Variants in ZBTB25 observed in about 807,000 individuals in gnomAD.
ZBTB25 encodes the protein zinc finger and BTB domain containing 25.
In ZBTB25, 20 loss-of-function variants were observed where a neutral mutation model predicts 34.2. That is an observed-to-expected ratio of 0.58 (90% CI 0.41 to 0.85). ZBTB25 has a LOEUF of 0.85. ZBTB25 is among the 40% of genes least tolerant of loss of function. The pLI is 0.00. For missense variants in ZBTB25, 437 were observed against 521.8 expected (o/e 0.84, Z 1.58); for synonymous variants, 175 against 186.4 (o/e 0.94, Z 0.50).
intron 1 of ZBTB25, chr14:64,503,443 A>T: frequency 1.0e-6 from 1 of 985,410 alleles, no homozygotes; most frequent in Non-Finnish European, 1.2e-6. Flanking sequence ...TACGAGCAGC[A>T]AAGGGTGGTT....
Position 64,466,174 on chromosome 14 carries a change from C to G in ZBTB25, c.174-16536G>C, listed in dbSNP as rs530515934. 3.5e-4 allele frequency among the ~76,000 whole-genome samples: 54 copies of G among 152,296 alleles called. 1 individual carries two copies. Among genetic ancestry groups the G allele is most frequent in the Middle Eastern group, 3.4e-3 (1 of 294 alleles). On this transcript the variant is annotated intron_variant, in intron 2 of 2. Coordinates refer to the ZBTB25 transcript ENST00000555220. ...TGTGACATGAGACTTGCAATTCCAT[C>G]AGGAAATGAGCACAGGGACTTTAAG...
rs1453699226 is a variant in ZBTB25 at position 64,459,670 on chromosome 14, G to A, written c.174-10032C>T. On this transcript the variant is annotated intron_variant, in intron 2 of 2. Transcript: ENST00000555220. ...TGTAAATGTTAACAGCTTTGGCAAT[G>A]TGAGTGGGTAATGGTGCAGTATGGA... 1.7e-5 allele frequency: 19 copies of A among 1,129,534 alleles called. No individual in the cohort carries two copies. In the Admixed American group the frequency reaches 4.8e-4, roughly 29 times the overall value. The allele number at this position is 1,129,534 out of a possible 1,614,324, so 70.0% of individuals were successfully genotyped here.
At position 64,458,337 on chromosome 14, in the gene ZBTB25, T is replaced by G. The variant is rs368247374; in HGVS notation, c.174-8699A>C. 45 of 1,390,350 alleles carry G rather than the reference T, an allele frequency of 3.2e-5. No individual in the cohort carries two copies. The African/African-American group carries it at 5.7e-4, about 18-fold the overall frequency. 86.1% of individuals were successfully genotyped at this position (1,390,350 alleles called of 1,614,324 possible). A position where few individuals can be genotyped will look rare whatever the true frequency, so the allele number is the denominator to read the frequency against. ...GTTGTTACTGGGTAATAATTTGGCT[T>G]TTTTCCTCATGTAGCTTATTTATGA... On this transcript the variant is annotated intron_variant, in intron 2 of 2. Coordinates refer to the ZBTB25 transcript ENST00000555220.
Position 64,479,983 on chromosome 14 carries a change from G to A in ZBTB25, c.*6940C>T, listed in dbSNP as rs1278805576. On this transcript the variant is annotated 3_prime_UTR_variant, in exon 3 of 3. Coordinates refer to ENST00000608382, the MANE Select transcript of ZBTB25 (RefSeq NM_006977.5). Reference sequence around the variant, plus strand: ...ACCTCAGTTGAGAACTACTATTGTGGATCATGTTACTGGGGGCAAAAGGCG... The same window carrying A: ...ACCTCAGTTGAGAACTACTATTGTGAATCATGTTACTGGGGGCAAAAGGCG... 1 of 153,472 alleles carries A rather than the reference G, an allele frequency of 6.5e-6. No homozygotes were observed. The highest frequency in any genetic ancestry group is 2.4e-5 in the African/African-American group (1 of 41,424). 9.5% of individuals were successfully genotyped at this position (153,472 alleles called of 1,614,324 possible). A position where few individuals can be genotyped will look rare whatever the true frequency, so the allele number is the denominator to read the frequency against.
At chr14:64,498,948 A>G (rs1423877418) in intron 1 of ZBTB25, among the ~76,000 whole-genome samples, 1 of 152,102 alleles carries the variant, frequency 6.6e-6, no homozygotes, top group Non-Finnish European at 1.5e-5. Flanking sequence ...TTCTTTTTTT[A>G]AAAAGCTTCC....
chr14:64,465,327 T>C (rs1366554050), intron 2 of ZBTB25, among the ~76,000 whole-genome samples: 1 of 151,962 alleles, frequency 6.6e-6, no homozygotes, highest in Non-Finnish European at 1.5e-5. Context: ...ACGATGGGCT[T>C]CCCCGCGGCA....
Position 64,502,993 on chromosome 14 carries a change from C to A in ZBTB25, c.-8+668G>T, listed in dbSNP as rs891219826. The A allele has an allele frequency of 1.0e-5, 10 of 985,256 alleles. No individual in the cohort carries two copies. In the African/African-American group the frequency reaches 1.6e-4, roughly 16 times the overall value. 61.0% of individuals were successfully genotyped at this position (985,256 alleles called of 1,614,324 possible). ...ATTTAATCCCTTGGGGTGATGCGGG[C>A]GCTAACTGTTGAAACATGCTAGGTG... On this transcript the variant is annotated intron_variant, in intron 1 of 2. Transcript: ENST00000608382.
chr14:64,475,563 C>T (rs975299868), downstream of ZBTB25, among the ~76,000 whole-genome samples: 1 of 151,722 alleles, frequency 6.6e-6, no homozygotes, highest in Admixed American at 6.6e-5. Flanking sequence ...TTAATGCTGA[C>T]GTCTGGAGTC....
intron 2 of ZBTB25, among the ~76,000 whole-genome samples, chr14:64,455,592 C>T (rs1360126654): frequency 1.3e-5 from 2 of 152,170 alleles, no homozygotes; most frequent in African/African-American, 4.8e-5. Context: ...TATCCTGTAT[C>T]TACAGATTGT....
At position 64,478,307 on chromosome 14, in the gene ZBTB25, G is replaced by A. The variant is rs902846954; in HGVS notation, c.*8616C>T. The A allele has an allele frequency of 2.6e-5, 4 of 152,176 alleles. No homozygotes were observed. The highest frequency in any genetic ancestry group is 5.9e-5 in the Non-Finnish European group (4 of 68,042). The allele number at this position is 152,176 out of a possible 1,614,324, so 9.4% of individuals were successfully genotyped here. ...CACTTAGTATTGGAAGGTGAGAAGA[G>A]CTGAAGGTAAGAAAACTCTTAACTT... On this transcript the variant is annotated 3_prime_UTR_variant, in exon 3 of 3. Coordinates refer to ENST00000608382, the MANE Select transcript of ZBTB25 (RefSeq NM_006977.5).
chr14:64,458,032 A>G (rs2078503165), intron 2 of ZBTB25: 3 of 635,140 alleles, frequency 4.7e-6, no homozygotes, highest in Admixed American at 2.5e-5. Context: ...CTGGAACTAC[A>G]GGCACATGCC....
chr14:64,492,140 G>A lies in ZBTB25; in HGVS notation c.-7-1600C>T, dbSNP rs77239204. ...CTCAAAAAAAAAAAAAAAAAAAAAA[G>A]GCAGACTCTATTAAAACTACATATT... is the stretch of plus-strand genomic sequence containing the variant. On this transcript the variant is annotated intron_variant, in intron 1 of 2. Transcript: ENST00000608382. Among the ~76,000 whole-genome samples the A allele has an allele frequency of 7.1e-3, 684 of 96,496 alleles. 10 individuals are homozygous for A. The highest frequency in any genetic ancestry group is 0.021 in the African/African-American group (652 of 31,050). The allele number at this position is 96,496 out of a possible 152,430, so 63.3% of individuals were successfully genotyped here. A position where few individuals can be genotyped will look rare whatever the true frequency, so the allele number is the denominator to read the frequency against.
At chr14:64,475,165 C>T (rs929920387), downstream of ZBTB25, among the ~76,000 whole-genome samples, 1 of 152,118 alleles carries the variant, frequency 6.6e-6, no homozygotes, top group Non-Finnish European at 1.5e-5. Flanking sequence ...TATGGCCGGG[C>T]GCGGTGGCTC....
At chr14:64,476,411 C>T (rs1184753785), downstream of ZBTB25, among the ~76,000 whole-genome samples, 1 of 152,194 alleles carries the variant, frequency 6.6e-6, no homozygotes, top group African/African-American at 2.4e-5. Context: ...CTGCAACCTC[C>T]ACATCCCAGG....
chr14:64,475,520 G>A (rs1463362033), downstream of ZBTB25, among the ~76,000 whole-genome samples: 2 of 150,478 alleles, frequency 1.3e-5, no homozygotes, highest in African/African-American at 2.4e-5. Context: ...TGTCCTCACA[G>A]GCAATTCTGC....
intron 2 of ZBTB25, among the ~76,000 whole-genome samples, chr14:64,488,750 G>A (rs943948432): frequency 5.3e-5 from 8 of 152,190 alleles, no homozygotes; most frequent in African/African-American, 1.2e-4. Flanking sequence ...GGGGTTGAGA[G>A]GGTGAGATGG....
chr14:64,466,211 C>T (rs2078611664), intron 2 of ZBTB25, among the ~76,000 whole-genome samples: 1 of 152,182 alleles, frequency 6.6e-6, no homozygotes, highest in Non-Finnish European at 1.5e-5. Flanking sequence ...TTTCCTGAGG[C>T]GATAAAGCTA....
rs1287808574 is a variant in ZBTB25 at position 64,487,682 on chromosome 14, C to A, written c.549G>T (p.Gln183His). ...AIGLDDGTAD[Q>H]QRACPATQAL... ...CCTGGGTGGCAGGACAGGCCCTCTG[C>A]TGGTCTGCAGTGCCATCATCCAGAC... Residue 183 changes from glutamine to histidine, a missense_variant, in exon 3 of 3, where the codon CAG becomes CAT. By Grantham distance (24) the Gln-to-His change is conservative (BLOSUM62 0). Transcript: ENST00000608382. 6.2e-7 allele frequency: 1 copy of A among 1,609,140 alleles called. No homozygotes were observed. The highest frequency in any genetic ancestry group is 1.7e-5 in the Admixed American group (1 of 59,582).
At chr14:64,493,015 G>A (rs1424874231) in intron 1 of ZBTB25, among the ~76,000 whole-genome samples, 1 of 152,018 alleles carries the variant, frequency 6.6e-6, no homozygotes, top group East Asian at 1.9e-4. Context: ...ACAAGGCCAG[G>A]CAGAAAAAAT....
Sources: allele counts gnomAD v4.1 joint callset (sites outside exome capture counted in the v4.1 genomes callset), GRCh38; gene constraint gnomAD v4.1.1; transcripts MANE v1.5; gene names NCBI Gene and HGNC (gene_info 2026-07-23, HGNC 2026-07-21).